FUT9: variants seen among roughly 807,000 people sequenced by gnomAD.
The protein encoded by FUT9 is 4-galactosyl-N-acetylglucosaminide 3-alpha-L-fucosyltransferase 9.
A neutral mutation model predicts 29.7 loss-of-function variants in FUT9; 15 were observed. The ratio of observed to expected loss-of-function variants is 0.51; its 90% CI spans 0.34 to 0.78. The LOEUF is 0.78. FUT9 is among the 30% of genes least tolerant of loss of function. The pLI is 0.01. For missense variants in FUT9, 319 were observed against 425.4 expected, an observed-to-expected ratio of 0.75 and a Z score of 2.20; for synonymous variants, 169 against 153.7, an observed-to-expected ratio of 1.10 and a Z score of -0.74.
chr6:96,072,498 AC>A, intron 1 of FUT9, among the ~76,000 whole-genome samples: 1 of 152,146 alleles, frequency 6.6e-6, no homozygotes, highest in East Asian at 1.9e-4. Context: ...ATCTTTAAAA[AC>A]AAAACAAGGG....
At chr6:96,042,087 C>A (rs1436612636) in intron 1 of FUT9, among the ~76,000 whole-genome samples, 1 of 152,112 alleles carries the variant, frequency 6.6e-6, no homozygotes, top group African/African-American at 2.4e-5. Flanking sequence ...CAGTTCACTC[C>A]CCCACCATCC....
At chr6:96,164,687 G>GT (rs1772981382) in intron 2 of FUT9, among the ~76,000 whole-genome samples, 2 of 152,112 alleles carry the variant, frequency 1.3e-5, no homozygotes, top group African/African-American at 2.4e-5. Flanking sequence ...AGAAAGGAAG[G>GT]CAAAATGAGG....
At chr6:96,031,609 A>G (rs952637016) in intron 1 of FUT9, among the ~76,000 whole-genome samples, 1 of 151,518 alleles carries the variant, frequency 6.6e-6, no homozygotes, top group Non-Finnish European at 1.5e-5. Flanking sequence ...ATCCTTCAAT[A>G]GAGCAACAGA....
intron 1 of FUT9, among the ~76,000 whole-genome samples, chr6:96,097,299 C>T (rs942312138): frequency 1.3e-5 from 2 of 152,218 alleles, no homozygotes; most frequent in African/African-American, 2.4e-5. Flanking sequence ...TGTGCTGGAG[C>T]CAGCTCCCCA....
chr6:96,109,303 G>T (rs1441001039), intron 1 of FUT9, among the ~76,000 whole-genome samples: 1 of 152,030 alleles, frequency 6.6e-6, no homozygotes, highest in Non-Finnish European at 1.5e-5. Flanking sequence ...GCTCCATTTG[G>T]TCATTTCTTT....
intron 2 of FUT9, among the ~76,000 whole-genome samples, chr6:96,154,447 G>T (rs4840228): frequency 0.41 from 61,814 of 152,008 alleles, 13,783 homozygotes; most frequent in South Asian, 0.7. Flanking sequence ...AAATTATAAG[G>T]CATAAAAGTA....
chr6:96,181,584 T>TCCCTTCCCTC (rs35538705), intron 2 of FUT9, among the ~76,000 whole-genome samples: 138,476 of 151,830 alleles, frequency 0.91, 64,504 homozygotes, highest in Non-Finnish European at 1. Context: ...TTTATCCCTC[T>TCCCTTCCCTC]CCTTTCTCCC....
At chr6:96,082,962 T>C (rs1011101176) in intron 1 of FUT9, among the ~76,000 whole-genome samples, 1 of 152,028 alleles carries the variant, frequency 6.6e-6, no homozygotes, top group African/African-American at 2.4e-5. Context: ...TTGCTTCATT[T>C]AGAAATGAGA....
At chr6:96,151,653 C>T (rs1205569482) in intron 2 of FUT9, among the ~76,000 whole-genome samples, 1 of 152,096 alleles carries the variant, frequency 6.6e-6, no homozygotes, top group Non-Finnish European at 1.5e-5. Flanking sequence ...CTCAAGAGAC[C>T]AGTTCCACAA....
intron 1 of FUT9, among the ~76,000 whole-genome samples, chr6:96,103,736 G>A (rs1465643437): frequency 3.3e-5 from 5 of 152,170 alleles, no homozygotes; most frequent in Non-Finnish European, 7.3e-5. Context: ...ACCCTGTCCA[G>A]TGTGATTTTC....
chr6:96,017,411 T>C (rs971554895), intron 1 of FUT9, among the ~76,000 whole-genome samples: 1 of 152,248 alleles, frequency 6.6e-6, no homozygotes, highest in Non-Finnish European at 1.5e-5. Context: ...TTATTTCTAG[T>C]TGGAGTGCGA....
At chr6:96,160,992 T>C (rs1172379627) in intron 2 of FUT9, among the ~76,000 whole-genome samples, 2 of 152,180 alleles carry the variant, frequency 1.3e-5, no homozygotes, top group African/African-American at 4.8e-5. Flanking sequence ...ATAACATCCA[T>C]CTACTTCTAT....
intron 1 of FUT9, among the ~76,000 whole-genome samples, chr6:96,033,737 C>G (rs956538771): frequency 2.0e-5 from 3 of 151,602 alleles, no homozygotes; most frequent in Non-Finnish European, 2.9e-5. Flanking sequence ...TTCTGATATA[C>G]CAAAATATAA....
intron 2 of FUT9, 39 bp from the exon 3 acceptor site, chr6:96,203,109 C>T: frequency 4.8e-6 from 7 of 1,471,132 alleles, no homozygotes; most frequent in Admixed American, 2.1e-5. Context: ...CTCTTCATTC[C>T]CACCGCTACC....
chr6:96,036,031 A>G (rs1582184390), intron 1 of FUT9, among the ~76,000 whole-genome samples: 1 of 128,250 alleles, frequency 7.8e-6, no homozygotes, highest in East Asian at 2.2e-4. Flanking sequence ...TATTAATATA[A>G]TATAATACAT....
At chr6:96,114,838 C>T (rs1771881070) in intron 2 of FUT9, among the ~76,000 whole-genome samples, 2 of 152,056 alleles carry the variant, frequency 1.3e-5, no homozygotes, top group South Asian at 4.1e-4. Context: ...CAGCCCAATC[C>T]CTTTTCCTTG....
At chr6:96,084,777 A>G (rs918874982) in intron 1 of FUT9, among the ~76,000 whole-genome samples, 5 of 152,100 alleles carry the variant, frequency 3.3e-5, no homozygotes, top group Admixed American at 1.3e-4. Context: ...TTCAGTCCCA[A>G]CTTCTCATTA....
Position 96,212,183 on chromosome 6 carries a change from A to C in FUT9, c.*7948A>C. On this transcript the variant is annotated 3_prime_UTR_variant, in exon 3 of 3. Transcript: ENST00000302103. ...GTGAGAAATATGGGCCAGAGTTACA[A>C]TATCACATCTCCAGTCTCAGATTGG... 2.4e-6 allele frequency: 1 copy of C among 412,622 alleles called. No homozygotes were observed. The highest frequency in any genetic ancestry group is 4.4e-6 in the Non-Finnish European group (1 of 225,632). The allele number at this position is 412,622 out of a possible 1,614,324, so 25.6% of individuals were successfully genotyped here.
At chr6:96,057,313 TTGAG>T (rs1770789007) in intron 1 of FUT9, among the ~76,000 whole-genome samples, 1 of 152,192 alleles carries the variant, frequency 6.6e-6, no homozygotes, top group Non-Finnish European at 1.5e-5. Context: ...ATATTGCAGT[TTGAG>T]TGTCTACTTC....
Sources: allele counts gnomAD v4.1 joint callset (sites outside exome capture counted in the v4.1 genomes callset), GRCh38; gene constraint gnomAD v4.1.1; transcripts MANE v1.5; gene names NCBI Gene and HGNC (gene_info 2026-07-23, HGNC 2026-07-21).